EPB41: variants seen among roughly 807,000 people sequenced by gnomAD.
EPB41 encodes the protein erythrocyte membrane protein band 4.1.
A neutral mutation model predicts 108.0 loss-of-function variants in EPB41; 65 were observed. The ratio of observed to expected loss-of-function variants is 0.60; its 90% CI spans 0.49 to 0.74. The LOEUF (loss-of-function observed/expected upper bound fraction) is 0.74. EPB41 is among the 30% of genes least tolerant of loss of function. EPB41 has a pLI of 0.00. For synonymous variants in EPB41, 336 were observed against 358.9 expected, an observed-to-expected ratio of 0.94 and a Z score of 0.72; for missense variants, 875 against 1,037.0, an observed-to-expected ratio of 0.84 and a Z score of 2.15.
chr1:29,065,181 C>G (rs770517817), intron 16 of EPB41, 23 bp downstream of exon 16: 1 of 1,544,984 alleles, frequency 6.5e-7, no homozygotes, highest in Admixed American at 2.0e-5. Context: ...TCCACATGAC[C>G]AATTGTGAAA....
At chr1:28,917,359 C>T (rs959482278) in intron 1 of EPB41, among the ~76,000 whole-genome samples, 4 of 152,086 alleles carry the variant, frequency 2.6e-5, no homozygotes, top group Admixed American at 2.0e-4. Flanking sequence ...CAGCTCACTG[C>T]AACCTCCACC....
chr1:28,944,099 G>A (rs920177799), intron 1 of EPB41, among the ~76,000 whole-genome samples: 1 of 152,156 alleles, frequency 6.6e-6, no homozygotes. Flanking sequence ...AGTGAAATAA[G>A]CCAGACACAG....
intron 1 of EPB41, among the ~76,000 whole-genome samples, chr1:28,924,188 G>C (rs2093310018): frequency 6.6e-6 from 1 of 152,206 alleles, no homozygotes; most frequent in Non-Finnish European, 1.5e-5. Flanking sequence ...AGGCAGAGTT[G>C]AGCCTAGAGG....
chr1:29,029,845 A>G (rs547228203), intron 7 of EPB41, among the ~76,000 whole-genome samples: 3 of 152,348 alleles, frequency 2.0e-5, no homozygotes, highest in African/African-American at 7.2e-5. Flanking sequence ...GCAGGACACC[A>G]TCTGTTACCA....
At chr1:29,069,199 T>G in intron 16 of EPB41, 4 of 1,231,658 alleles carry the variant, frequency 3.2e-6, no homozygotes, top group Non-Finnish European at 4.0e-6. Flanking sequence ...TACATATCAC[T>G]TAGGGGTGTG....
rs141897769 is a variant in EPB41, at chr1:29,116,986, T to G, written c.*174T>G. 666 of 152,376 alleles carry G rather than the reference T, an allele frequency of 4.4e-3. 4 individuals carry two copies. Among genetic ancestry groups the G allele is most frequent in the African/African-American group, 0.015 (639 of 41,600 alleles). 9.4% of individuals were successfully genotyped at this position (152,376 alleles called of 1,614,324 possible). On this transcript the variant is annotated 3_prime_UTR_variant, in exon 21 of 21. Coordinates refer to ENST00000343067, the MANE Select transcript of EPB41 (RefSeq NM_001376013.1). ...GTTTATACCAAGAGATTCTTCTAGATCTCATTGATCCTTTTGAAGAGCTTT... is the reference window on the plus strand; with the variant it reads ...GTTTATACCAAGAGATTCTTCTAGAGCTCATTGATCCTTTTGAAGAGCTTT...
chr1:29,013,315 C>A (rs1337040551), intron 5 of EPB41, among the ~76,000 whole-genome samples: 4 of 146,390 alleles, frequency 2.7e-5, no homozygotes, highest in African/African-American at 1.0e-4. Context: ...CAGAGCAAGA[C>A]TCCATCTCAA....
At chr1:28,971,909 T>G (rs1279977964) in intron 1 of EPB41, among the ~76,000 whole-genome samples, 1 of 152,054 alleles carries the variant, frequency 6.6e-6, no homozygotes, top group East Asian at 1.9e-4. Context: ...TTGACACTTT[T>G]TTTTCTTTTG....
intron 1 of EPB41, among the ~76,000 whole-genome samples, chr1:28,946,114 A>G (rs2094478893): frequency 6.6e-6 from 1 of 151,920 alleles, no homozygotes; most frequent in Non-Finnish European, 1.5e-5. Context: ...ATACAATTTT[A>G]TTCTTTTACT....
rs1345839954 is a variant in EPB41, at chr1:29,115,835, C to T, written c.*6+32C>T. 1.3e-6 allele frequency: 2 copies of T among 1,540,416 alleles called. No homozygotes were observed. Among genetic ancestry groups the T allele is most frequent in the South Asian group, 2.2e-5 (2 of 89,652 alleles). ...GGCGTTCCTGCTGGGGCTGAGGGTG[C>T]CCACAGTCCCAGCCTGAGAGGGCTC... On this transcript the variant is annotated intron_variant, in intron 20 of 20. Coordinates refer to ENST00000343067, the MANE Select transcript of EPB41 (RefSeq NM_001376013.1). This position sits in a 1 kb window ranked among gnomAD's most constrained non-coding sequence, Gnocchi z 4.4.
upstream of EPB41, among the ~76,000 whole-genome samples, chr1:28,910,235 C>G (rs1257176551): frequency 6.6e-6 from 1 of 152,188 alleles, no homozygotes; most frequent in Non-Finnish European, 1.5e-5. Flanking sequence ...TCAAGTACTA[C>G]TAGTAAAATT....
chr1:28,921,961 T>TATATATATATATACAC (rs770764638), intron 1 of EPB41, among the ~76,000 whole-genome samples: 32 of 109,930 alleles, frequency 2.9e-4, no homozygotes, highest in African/African-American at 1.1e-3. Context: ...TATATATATA[T>TATATATATATATACAC]ACACTTTTTT....
At chr1:28,981,759 A>G (rs2095751870) in intron 1 of EPB41, among the ~76,000 whole-genome samples, 1 of 152,066 alleles carries the variant, frequency 6.6e-6, no homozygotes, top group Non-Finnish European at 1.5e-5. Context: ...CATTTTCACA[A>G]CATTGACTTC....
chr1:28,977,836 T>C (rs1269712256), intron 1 of EPB41, among the ~76,000 whole-genome samples: 1 of 151,924 alleles, frequency 6.6e-6, no homozygotes, highest in Non-Finnish European at 1.5e-5. Context: ...ATTTGAGCTT[T>C]TAGTAAGTGA....
rs939591823 is a variant in EPB41 at position 29,018,631 on chromosome 1, A to G, written c.1124+189A>G. Among the ~76,000 whole-genome samples, 2 of 152,194 alleles carry G rather than the reference A, an allele frequency of 1.3e-5. No homozygotes were observed. The highest frequency in any genetic ancestry group is 2.9e-5 in the Non-Finnish European group (2 of 68,020). On this transcript the variant is annotated intron_variant, in intron 7 of 20. Coordinates refer to ENST00000343067, the MANE Select transcript of EPB41 (RefSeq NM_001376013.1). This position sits in a 1 kb window ranked among gnomAD's most constrained non-coding sequence, Gnocchi z 4.4. ...AAGCTTTCTCATCAGAGTAATAGGC[A>G]TTGCATTGTAGGGTGAAAACTAAAT...
chr1:29,069,323 G>A, intron 16 of EPB41: 2 of 1,231,474 alleles, frequency 1.6e-6, no homozygotes, highest in Non-Finnish European at 2.0e-6. Flanking sequence ...ATGGATAGCA[G>A]AGTACAGAAA....
chr1:28,987,974 G>C, intron 2 of EPB41, 69 bp downstream of exon 2: 1 of 1,550,890 alleles, frequency 6.4e-7, no homozygotes, highest in Non-Finnish European at 8.9e-7. Context: ...TCATTTAAGA[G>C]TATTTGGGCT....
intron 2 of EPB41, among the ~76,000 whole-genome samples, chr1:28,993,022 A>G (rs1007275911): frequency 4.6e-5 from 7 of 152,190 alleles, no homozygotes; most frequent in African/African-American, 1.7e-4. Flanking sequence ...TTAAACTTTA[A>G]TAATACCGTG....
intron 7 of EPB41, among the ~76,000 whole-genome samples, chr1:29,024,916 C>T (rs1299963001): frequency 1.3e-5 from 2 of 152,082 alleles, no homozygotes; most frequent in East Asian, 1.9e-4. Flanking sequence ...GAAAGATTTG[C>T]AACCCTCACA....
Sources: allele counts gnomAD v4.1 joint callset (sites outside exome capture counted in the v4.1 genomes callset), GRCh38; gene constraint gnomAD v4.1.1; non-coding constraint Gnocchi (gnomAD v3.1); transcripts MANE v1.5; gene names NCBI Gene and HGNC (gene_info 2026-07-23, HGNC 2026-07-21).